NR1H3: variants seen among roughly 807,000 people sequenced by gnomAD.
NR1H3 encodes oxysterols receptor LXR-alpha.
NR1H3 carries 19 observed loss-of-function variants against 48.1 expected under a neutral mutation model. The observed-to-expected ratio is 0.40, with a 90% CI of 0.28 to 0.58. NR1H3 has a LOEUF of 0.58. NR1H3 is among the 20% of genes least tolerant of loss of function. NR1H3 has a pLI of 0.50. For synonymous variants in NR1H3, 232 were observed against 227.3 expected, an observed-to-expected ratio of 1.02 and a Z score of -0.19; for missense variants, 486 against 595.9, an observed-to-expected ratio of 0.82 and a Z score of 1.92.
At chr11:47,255,557 CTTTCTTTCTT>C (rs1955024036), upstream of NR1H3, among the ~76,000 whole-genome samples, 1 of 69,324 alleles carries the variant, frequency 1.4e-5, no homozygotes, top group Non-Finnish European at 2.6e-5. Context: ...TTCTTTCTTT[CTTTCTTTCTT>C]TCTTTCTTTC....
intron 2 of NR1H3, chr11:47,259,574 A>T: frequency 6.9e-7 from 1 of 1,458,544 alleles, no homozygotes; most frequent in Non-Finnish European, 9.0e-7. Context: ...CCAAAGGGAC[A>T]AGGATTAACA....
intron 7 of NR1H3, among the ~76,000 whole-genome samples, chr11:47,262,523 A>G (rs1169600368): frequency 7.3e-6 from 1 of 137,196 alleles, no homozygotes. Context: ...TTTTTGTTTC[A>G]TTTTTTTTTT....
rs764255803 is a variant in NR1H3 at position 47,260,545 on chromosome 11, C to T, written c.369C>T (p.Arg123=). ...LSCEGCKGFF[R]RSVIKGAHYI... ...GCGAGGGCTGCAAGGGATTCTTCCG[C>T]CGCAGCGTCATCAAGGGAGCGCACT... Residue 123 remains arginine, a synonymous_variant, in exon 4 of 10, where the codon CGC becomes CGT. Transcript: ENST00000441012. 3 of 1,614,248 alleles carry T rather than the reference C, an allele frequency of 1.9e-6. No individual in the cohort carries two copies. In the East Asian group the frequency reaches 6.7e-5, roughly 36 times the overall value.
intron 3 of NR1H3, 48 bp from the exon 4 acceptor site, chr11:47,260,361 T>C (rs1955703022): frequency 6.4e-7 from 1 of 1,565,700 alleles, no homozygotes; most frequent in Admixed American, 1.8e-5. Flanking sequence ...AGGGAGAACA[T>C]GATGTTTTTC....
intron 1 of NR1H3, chr11:47,258,753 G>C (rs1364482758): frequency 1.2e-5 from 2 of 166,438 alleles, no homozygotes; most frequent in Non-Finnish European, 2.6e-5. Flanking sequence ...GTAGTTTGAG[G>C]CGATAGTGTC....
At chr11:47,258,254 T>C (rs1955410985) in intron 1 of NR1H3, 125 bp downstream of exon 1, 2 of 951,858 alleles carry the variant, frequency 2.1e-6, no homozygotes, top group Non-Finnish European at 2.5e-6. Flanking sequence ...TGATGGAAGC[T>C]TGGGACAGGA....
chr11:47,248,878 C>G, upstream of NR1H3: 2 of 1,549,730 alleles, frequency 1.3e-6, no homozygotes, highest in Non-Finnish European at 1.7e-6. Context: ...AGGACACACG[C>G]CGGAAGTGCG....
intron 7 of NR1H3, among the ~76,000 whole-genome samples, chr11:47,267,503 G>T (rs1289670320): frequency 6.7e-6 from 1 of 148,510 alleles, no homozygotes; most frequent in Non-Finnish European, 1.5e-5. Context: ...ACACAGCAAA[G>T]CCTTGTAGAC....
At chr11:47,259,057 T>C in intron 1 of NR1H3, 123 bp from the exon 2 acceptor site, 1 of 1,524,296 alleles carries the variant, frequency 6.6e-7, no homozygotes, top group Non-Finnish European at 8.8e-7. Flanking sequence ...CAGGCTAATA[T>C]ATGGCAAGTA....
At position 47,259,606 on chromosome 11, in the gene NR1H3, T is replaced by C. The variant is rs1955609582; in HGVS notation, c.44-185T>C. 6.2e-6 allele frequency: 9 copies of C among 1,453,082 alleles called. No individual in the cohort carries two copies. In the Admixed American group the frequency reaches 2.4e-4, roughly 39 times the overall value. The allele number at this position is 1,453,082 out of a possible 1,614,324, so 90.0% of individuals were successfully genotyped here. A position where few individuals can be genotyped will look rare whatever the true frequency, so the allele number is the denominator to read the frequency against. ...AACATCTTCATTTAAGGTCCTGAGA[T>C]GTAAGAAACTACAAGTGACTAGTCC... On this transcript the variant is annotated intron_variant, in intron 2 of 9. Coordinates refer to ENST00000441012, the MANE Select transcript of NR1H3 (RefSeq NM_005693.4).
At chr11:47,255,615 C>CTCTCTCTCTCTCTT (rs1554981334), upstream of NR1H3, among the ~76,000 whole-genome samples, 1 of 93,214 alleles carries the variant, frequency 1.1e-5, no homozygotes, top group African/African-American at 4.8e-5. Flanking sequence ...CTCTCTCTCT[C>CTCTCTCTCTCTCTT]TCTTTCTTTC....
upstream of NR1H3, among the ~76,000 whole-genome samples, chr11:47,254,914 G>A (rs569826033): frequency 6.6e-6 from 1 of 152,150 alleles, no homozygotes. Context: ...CTGTTCATCT[G>A]TTTCGGTCTC....
chr11:47,268,479 C>T, intron 9 of NR1H3, 71 bp from the exon 10 acceptor site: 1 of 1,603,254 alleles, frequency 6.2e-7, no homozygotes, highest in South Asian at 1.1e-5. Flanking sequence ...ACCTCTCCCA[C>T]AACTCCCCTA....
chr11:47,255,605 C>T (rs1484652248), upstream of NR1H3, among the ~76,000 whole-genome samples: 6 of 121,140 alleles, frequency 5.0e-5, no homozygotes, highest in African/African-American at 2.1e-4. Context: ...TTCTCTCTCT[C>T]TCTCTCTCTC....
intron 1 of NR1H3, among the ~76,000 whole-genome samples, chr11:47,249,314 T>C (rs1341138942): frequency 6.6e-6 from 1 of 152,154 alleles, no homozygotes; most frequent in Non-Finnish European, 1.5e-5. Flanking sequence ...TAAACAACCC[T>C]TTGGACTCCG....
chr11:47,255,966 G>T (rs1955135559), upstream of NR1H3, among the ~76,000 whole-genome samples: 1 of 150,436 alleles, frequency 6.6e-6, no homozygotes, highest in Admixed American at 6.7e-5. Context: ...ACCGCACCCT[G>T]CATGATCTGT....
upstream of NR1H3, chr11:47,257,971 A>G (rs1347016106): frequency 5.1e-6 from 5 of 985,474 alleles, no homozygotes; most frequent in Middle Eastern, 5.2e-4. Flanking sequence ...CCTTTCCCCA[A>G]ATTGCTACTT....
chr11:47,252,347 C>T (rs1954732978), intron 1 of NR1H3, among the ~76,000 whole-genome samples: 1 of 151,984 alleles, frequency 6.6e-6, no homozygotes, highest in African/African-American at 2.4e-5. Flanking sequence ...CAGCAACCTC[C>T]GCCTCCCGGG....
chr11:47,260,517 G>C lies in NR1H3; in HGVS notation c.341G>C (p.Ser114Thr), dbSNP rs770789264. 1.2e-6 allele frequency: 2 copies of C among 1,614,154 alleles called. No individual in the cohort carries two copies. Among genetic ancestry groups the C allele is most frequent in the African/African-American group, 2.7e-5 (2 of 74,950 alleles). Residue 114 changes from serine (S) to threonine (T), a missense_variant, in exon 4 of 10, where the codon AGC (serine) becomes ACC (threonine). Transcript: ENST00000441012. ...TCGGGCTTCCACTACAATGTTCTGA[G>C]CTGCGAGGGCTGCAAGGGATTCTTC... ...KASGFHYNVL[S>T]CEGCKGFFRR...
Sources: gnomAD v4.1 joint callset for allele counts (sites outside exome capture counted in the v4.1 genomes callset) on GRCh38, gnomAD v4.1.1 for gene constraint, MANE v1.5 for transcripts, NCBI Gene and HGNC (gene_info 2026-07-23, HGNC 2026-07-21) for gene names.